TEX9: variants seen among roughly 807,000 people sequenced by gnomAD.
The protein encoded by TEX9 is testis expressed 9.
Under a neutral mutation model 59.6 loss-of-function variants are expected in TEX9, and 74 were observed. The ratio of observed to expected loss-of-function variants is 1.24; its 90% CI spans 1.03 to 1.51. The LOEUF (loss-of-function observed/expected upper bound fraction) is 1.51, where lower values mean the gene tolerates loss of function less well. Ranked by LOEUF, TEX9 falls within the 40% of genes most tolerant of loss-of-function variation. The pLI is 0.00. For missense variants in TEX9, 522 were observed against 447.8 expected (o/e 1.17, Z -1.49); for synonymous variants, 186 against 152.2 (o/e 1.22, Z -1.64).
chr15:56,389,298 TTTCAA>T lies in TEX9; in HGVS notation c.313-16_313-12del, dbSNP rs1410734948. 1.9e-6 allele frequency: 3 copies of T among 1,588,164 alleles called. No homozygotes were observed. The South Asian group carries it at 3.3e-5, about 18-fold the overall frequency. ...TGATTAGACTCTAATTAGTCAATAC[TTTCAA>T]TTCTTTTCATGTAGCCAAAGACCAA... On this transcript the variant is annotated splice_polypyrimidine_tract_variant and intron_variant, in intron 5 of 12. Transcript: ENST00000352903.
At chr15:56,427,956 G>A (rs1444606490) in intron 11 of TEX9, among the ~76,000 whole-genome samples, 2 of 151,998 alleles carry the variant, frequency 1.3e-5, no homozygotes, top group African/African-American at 4.8e-5. Flanking sequence ...AGTTAGTGTA[G>A]AAAATGGGAC....
At chr15:56,320,478 G>T (rs974726676) in intron 1 of TEX9, among the ~76,000 whole-genome samples, 2 of 137,696 alleles carry the variant, frequency 1.5e-5, no homozygotes, top group African/African-American at 2.5e-5. Flanking sequence ...TGTGTGTGGG[G>T]ATAGAGGGAA....
intron 4 of TEX9, among the ~76,000 whole-genome samples, chr15:56,386,541 G>C (rs1434824971): frequency 6.6e-6 from 1 of 151,804 alleles, no homozygotes; most frequent in Non-Finnish European, 1.5e-5. Flanking sequence ...AAGTTAATAT[G>C]TGTTGCTTTT....
intron 12 of TEX9, among the ~76,000 whole-genome samples, chr15:56,436,193 C>T (rs1209241538): frequency 3.9e-5 from 6 of 152,050 alleles, no homozygotes; most frequent in African/African-American, 1.2e-4. Flanking sequence ...CAAAGTTGAC[C>T]ACATAGTTGG....
chr15:56,429,054 TAGTGGTAACATGCA>T, intron 12 of TEX9: 1 of 1,220,698 alleles, frequency 8.2e-7, no homozygotes, highest in Non-Finnish European at 1.2e-6. Flanking sequence ...TGCTGACATC[TAGTGGTAACATGCA>T]AAAAATCTAT....
chr15:56,395,215 G>A (rs545920674), intron 9 of TEX9: 15 of 208,922 alleles, frequency 7.2e-5, no homozygotes, highest in African/African-American at 2.3e-4. Context: ...TCACATATAC[G>A]TGGAATCATA....
chr15:56,386,098 A>G (rs1486489651), intron 4 of TEX9, among the ~76,000 whole-genome samples: 2 of 152,152 alleles, frequency 1.3e-5, no homozygotes, highest in East Asian at 1.9e-4. Flanking sequence ...TATCCATGCA[A>G]TGGAATACTA....
chr15:56,387,802 A>G (rs928094355), intron 4 of TEX9, among the ~76,000 whole-genome samples: 3 of 152,018 alleles, frequency 2.0e-5, no homozygotes, highest in Non-Finnish European at 4.4e-5. Flanking sequence ...GAAAACAGCC[A>G]TAGATAATAC....
At chr15:56,427,526 C>T (rs2050358659) in intron 10 of TEX9, 79 bp from the exon 11 acceptor site, 1 of 985,648 alleles carries the variant, frequency 1.0e-6, no homozygotes, top group African/African-American at 1.7e-5. Context: ...CTTTTTATTA[C>T]TGTTGTGATG....
intron 9 of TEX9, among the ~76,000 whole-genome samples, chr15:56,399,841 C>T (rs948604069): frequency 6.6e-6 from 1 of 152,198 alleles, no homozygotes; most frequent in African/African-American, 2.4e-5. Context: ...CCCAGGCAAA[C>T]AGGGTGTGGA....
chr15:56,316,977 C>T (rs1357577246), intron 1 of TEX9, among the ~76,000 whole-genome samples: 1 of 152,350 alleles, frequency 6.6e-6, no homozygotes, highest in African/African-American at 2.4e-5. Context: ...CTTGCGCTTC[C>T]CAAGTGAGGC....
chr15:56,316,849 G>C (rs2045781276), intron 1 of TEX9, among the ~76,000 whole-genome samples: 2 of 152,200 alleles, frequency 1.3e-5, no homozygotes, highest in South Asian at 2.1e-4. Context: ...ATATAATCTC[G>C]TGGTGCATCG....
intron 1 of TEX9, among the ~76,000 whole-genome samples, chr15:56,321,851 G>A (rs758890300): frequency 2.0e-5 from 3 of 152,066 alleles, no homozygotes; most frequent in Non-Finnish European, 4.4e-5. Flanking sequence ...AATGGTTAGA[G>A]TAAAAATACT....
intron 10 of TEX9, among the ~76,000 whole-genome samples, chr15:56,424,627 ACT>A (rs776307185): frequency 1.3e-5 from 2 of 151,940 alleles, no homozygotes; most frequent in African/African-American, 4.8e-5. Flanking sequence ...GTATATAAAG[ACT>A]CTACTCCTTT....
intron 1 of TEX9, among the ~76,000 whole-genome samples, chr15:56,309,911 G>C (rs796962697): frequency 2.0e-4 from 31 of 152,072 alleles, no homozygotes; most frequent in African/African-American, 7.5e-4. Flanking sequence ...TGGGCACTGG[G>C]AGAAGGGGAG....
In TEX9 at chr15:56,282,458, T is replaced by C. The variant is rs2044841090; in HGVS notation, c.-107+38180T>C. On this transcript the variant is annotated intron_variant, in intron 1 of 5. Transcript: ENST00000560827. ...AGACATAATGCTAGGGTGTCCACCG[T>C]TACCATTATTACTTAATATTGCATA... Among the ~76,000 whole-genome samples, 4 of 152,298 alleles carry C rather than the reference T, an allele frequency of 2.6e-5. No individual in the cohort carries two copies. The South Asian group carries it at 6.2e-4, about 24-fold the overall frequency.
At chr15:56,275,949 C>G (rs2044658033) in intron 1 of TEX9, among the ~76,000 whole-genome samples, 1 of 152,190 alleles carries the variant, frequency 6.6e-6, no homozygotes, top group Middle Eastern at 3.4e-3. Context: ...TCCTTTAGCA[C>G]TTTACATATG....
intron 1 of TEX9, among the ~76,000 whole-genome samples, chr15:56,341,994 GTTTT>G (rs1304796720): frequency 1.3e-5 from 2 of 150,970 alleles, no homozygotes; most frequent in Non-Finnish European, 3.0e-5. Flanking sequence ...TGTCAGCTAT[GTTTT>G]TTTTTGATAA....
intron 1 of TEX9, among the ~76,000 whole-genome samples, chr15:56,278,458 C>G (rs548697581): frequency 2.6e-5 from 4 of 152,180 alleles, no homozygotes; most frequent in Non-Finnish European, 5.9e-5. Flanking sequence ...TTGGGCCCAT[C>G]ATCCCATTTT....
Sources: allele counts gnomAD v4.1 joint callset (sites outside exome capture counted in the v4.1 genomes callset), GRCh38; gene constraint gnomAD v4.1.1; transcripts MANE v1.5; gene names NCBI Gene and HGNC (gene_info 2026-07-23, HGNC 2026-07-21).